Variants in PLEKHA8 observed in about 807,000 individuals in gnomAD.
PLEKHA8 encodes the protein pleckstrin homology domain-containing family A member 8.
A neutral mutation model predicts 68.2 loss-of-function variants in PLEKHA8; 36 were observed. The observed-to-expected ratio is 0.53, with a 90% confidence interval of 0.40 to 0.70. The LOEUF is 0.70. PLEKHA8 is among the 30% of genes least tolerant of loss of function. The pLI, the probability that PLEKHA8 is intolerant of heterozygous loss-of-function variation, is 0.00. For synonymous variants in PLEKHA8, 211 were observed against 216.1 expected (o/e 0.98, Z 0.20); for missense variants, 505 against 615.4 (o/e 0.82, Z 1.90).
Position 30,084,514 on chromosome 7 carries a change from G to A in PLEKHA8, c.*5727G>A. 1.0e-6 allele frequency: 1 copy of A among 985,302 alleles called. No homozygotes were observed. Among genetic ancestry groups the A allele is most frequent in the Non-Finnish European group, 1.2e-6 (1 of 829,858 alleles). The allele number at this position is 985,302 out of a possible 1,614,324, so 61.0% of individuals were successfully genotyped here. A position where few individuals can be genotyped will look rare whatever the true frequency, so the allele number is the denominator to read the frequency against. On this transcript the variant is annotated 3_prime_UTR_variant, in exon 14 of 14. Coordinates refer to ENST00000449726, the MANE Select transcript of PLEKHA8 (RefSeq NM_001197026.2). ...ACAGTTTCATGTTTAGATTTGTATT[G>A]TTTCTCTGTCCAAGTCCTTATTCTC...
chr7:30,028,802 G>T lies in PLEKHA8; in HGVS notation c.40G>T (p.Gly14Cys), dbSNP rs756312565. The part of the protein sequence containing the change: ...VLYKWTNYLS[G>C]WQPRWFLLCG... The stretch of plus-strand genomic sequence containing the variant: ...GTACAAGTGGACCAACTATCTGAGC[G>T]GTGAGTGGCCGTGCCGGGCCGGGGG... The change falls in exon 1 of 14, where the codon GGT becomes TGT. Residue 14 changes from glycine to cysteine, a missense_variant and splice_region_variant. By Grantham distance (159) the Gly-to-Cys change is radical. Coordinates refer to ENST00000449726, the MANE Select transcript of PLEKHA8 (RefSeq NM_001197026.2). 2.4e-6 allele frequency: 3 copies of T among 1,270,318 alleles called. No homozygotes were observed. Among genetic ancestry groups the T allele is most frequent in the Non-Finnish European group, 3.0e-6 (3 of 1,002,348 alleles). The allele number at this position is 1,270,318 out of a possible 1,614,324, so 78.7% of individuals were successfully genotyped here.
At chr7:30,070,860 A>C (rs941038067) in intron 12 of PLEKHA8, among the ~76,000 whole-genome samples, 3 of 152,152 alleles carry the variant, frequency 2.0e-5, no homozygotes, top group African/African-American at 7.2e-5. Context: ...AGCTCTTTTA[A>C]ACAAGCATTC....
intron 13 of PLEKHA8, among the ~76,000 whole-genome samples, chr7:30,128,472 A>G (rs1446577808): frequency 6.6e-6 from 1 of 152,086 alleles, no homozygotes; most frequent in East Asian, 1.9e-4. Context: ...ATTGATTCCT[A>G]TATTCACATT....
chr7:30,085,866 G>A (rs903736524), downstream of PLEKHA8, among the ~76,000 whole-genome samples: 36 of 152,288 alleles, frequency 2.4e-4, no homozygotes, highest in African/African-American at 6.7e-4. Context: ...GAGGAAGGAT[G>A]GTGTAGGCAC....
intron 13 of PLEKHA8, chr7:30,115,707 T>C (rs958566996): frequency 3.3e-5 from 4 of 120,330 alleles, no homozygotes; most frequent in Non-Finnish European, 5.6e-5. Flanking sequence ...TATACATGTA[T>C]ACATACGCGC....
chr7:30,044,092 C>T (rs1482579470), intron 1 of PLEKHA8, among the ~76,000 whole-genome samples: 5 of 147,248 alleles, frequency 3.4e-5, no homozygotes, highest in African/African-American at 5.1e-5. Context: ...CTGCAACCTT[C>T]GCCTTCCGGG....
chr7:30,067,158 G>A (rs1793903850), intron 12 of PLEKHA8, among the ~76,000 whole-genome samples: 1 of 152,198 alleles, frequency 6.6e-6, no homozygotes, highest in Admixed American at 6.5e-5. Context: ...CTTAAGCATA[G>A]TCACTATAAA....
chr7:30,028,856 C>T, intron 1 of PLEKHA8, 54 bp downstream of exon 1: 1 of 1,247,220 alleles, frequency 8.0e-7, no homozygotes, highest in Non-Finnish European at 1.0e-6. Context: ...TTTGTCTGCG[C>T]GGCTGGAGGG....
At chr7:30,070,547 CTT>C (rs34425647) in intron 12 of PLEKHA8, among the ~76,000 whole-genome samples, 17 of 137,260 alleles carry the variant, frequency 1.2e-4, no homozygotes, top group Admixed American at 2.9e-4. Flanking sequence ...GAATCCAGAG[CTT>C]TTTTTTTTTT....
At chr7:30,105,471 G>A (rs1358805636) in intron 13 of PLEKHA8, among the ~76,000 whole-genome samples, 2 of 152,082 alleles carry the variant, frequency 1.3e-5, no homozygotes, top group African/African-American at 4.8e-5. Context: ...GAGACAGAGC[G>A]AAATCTTGTC....
At chr7:30,099,229 A>G (rs774651033) in intron 13 of PLEKHA8, among the ~76,000 whole-genome samples, 1 of 152,192 alleles carries the variant, frequency 6.6e-6, no homozygotes, top group Non-Finnish European at 1.5e-5. Context: ...GTGTCTCCAC[A>G]CCAAGCAAGA....
intron 9 of PLEKHA8, among the ~76,000 whole-genome samples, chr7:30,059,576 CA>C (rs1793268591): frequency 7.3e-6 from 1 of 137,432 alleles, no homozygotes; most frequent in South Asian, 2.2e-4. Context: ...GCCAGTTAAT[CA>C]ATTTTTTTTT....
intron 13 of PLEKHA8, among the ~76,000 whole-genome samples, chr7:30,078,080 C>T (rs143938590): frequency 6.6e-5 from 10 of 152,238 alleles, no homozygotes; most frequent in Admixed American, 5.9e-4. Context: ...ATGTTAGCTC[C>T]CTTCCTTTCT....
At chr7:30,067,973 G>T (rs939899201) in intron 12 of PLEKHA8, among the ~76,000 whole-genome samples, 4 of 152,218 alleles carry the variant, frequency 2.6e-5, no homozygotes, top group Non-Finnish European at 5.9e-5. Context: ...GGAAAATTAT[G>T]TCCAGACAGC....
In PLEKHA8 at chr7:30,121,769, TAA is replaced by T. The variant is rs1393217530; in HGVS notation, c.1363-7495_1363-7494del. On this transcript the variant is annotated intron_variant, in intron 13 of 13. Coordinates refer to the PLEKHA8 transcript ENST00000396257. ...GATGCTGTTTAAATTTCCAAATCAATAAATAAGCAGGGTCAAAGATCCAAAAC... is the reference window on the plus strand; with the variant it reads ...GATGCTGTTTAAATTTCCAAATCAATATAAGCAGGGTCAAAGATCCAAAAC... Among the ~76,000 whole-genome samples, 4 of 152,310 alleles carry T rather than the reference TAA, an allele frequency of 2.6e-5. No homozygotes were observed. The East Asian group carries it at 7.7e-4, about 29-fold the overall frequency.
downstream of PLEKHA8, chr7:30,129,944 ACACC>A (rs1335980850): frequency 6.5e-6 from 1 of 153,488 alleles, no homozygotes; most frequent in African/African-American, 2.4e-5. Flanking sequence ...GATGACATGC[ACACC>A]CACCATCTGG....
intron 1 of PLEKHA8, among the ~76,000 whole-genome samples, chr7:30,032,772 A>C (rs2127957608): frequency 6.6e-6 from 1 of 152,360 alleles, no homozygotes; most frequent in East Asian, 1.9e-4. Context: ...TGCCACGAGG[A>C]AATTTTCTAA....
intron 1 of PLEKHA8, among the ~76,000 whole-genome samples, chr7:30,036,584 G>C (rs1287525688): frequency 6.6e-6 from 1 of 152,132 alleles, no homozygotes; most frequent in African/African-American, 2.4e-5. Context: ...GGTGCTGGTA[G>C]GACATATGAG....
intron 12 of PLEKHA8, among the ~76,000 whole-genome samples, chr7:30,065,448 A>G (rs1793772040): frequency 6.6e-6 from 1 of 151,646 alleles, no homozygotes; most frequent in Admixed American, 6.6e-5. Context: ...CACAGACACA[A>G]CAAGCTCTGC....
Sources: gnomAD v4.1 joint callset for allele counts (sites outside exome capture counted in the v4.1 genomes callset) on GRCh38, gnomAD v4.1.1 for gene constraint, MANE v1.5 for transcripts, NCBI Gene and HGNC (gene_info 2026-07-23, HGNC 2026-07-21) for gene names.